NMNAT1: variants seen among roughly 807,000 people sequenced by gnomAD.
The protein encoded by NMNAT1 is nicotinamide/nicotinic acid mononucleotide adenylyltransferase 1.
In NMNAT1, 11 loss-of-function variants were observed where a neutral mutation model predicts 16.7. That is an observed-to-expected ratio of 0.66 (90% confidence interval 0.41 to 1.09). The LOEUF is 1.09. Among genes scored for constraint, NMNAT1 ranks in the 50% least tolerant of loss-of-function variants. NMNAT1 has a pLI of 0.00. For synonymous variants in NMNAT1, 110 were observed against 119.8 expected, an observed-to-expected ratio of 0.92 and a Z score of 0.53; for missense variants, 280 against 332.3, an observed-to-expected ratio of 0.84 and a Z score of 1.22.
At chr1:9,947,663 T>C (rs1373787284) in intron 1 of NMNAT1, 1 of 152,258 alleles carries the variant, frequency 6.6e-6, no homozygotes, top group Non-Finnish European at 1.5e-5. Context: ...CCAAAAACTT[T>C]TGGAGTCATG....
intron 1 of NMNAT1, among the ~76,000 whole-genome samples, chr1:9,968,770 CAAAAAAA>C (rs35088826): frequency 3.8e-5 from 3 of 79,194 alleles, no homozygotes; most frequent in African/African-American, 1.6e-4. Context: ...GACTCTGTCT[CAAAAAAA>C]AAAAAAAAAA....
In NMNAT1 at chr1:9,971,604, G is replaced by A. The variant is rs143077879; in HGVS notation, c.-56-414G>A. On this transcript the variant is annotated intron_variant, in intron 1 of 4. Transcript: ENST00000377205. ...TGGGATTACATGTGTGAGCCACCAC[G>A]CCCAGCCAAAGCCAAATACTTTTAA... Among the ~76,000 whole-genome samples the A allele has an allele frequency of 1.5e-4, 23 of 152,048 alleles. 1 individual carries two copies. Among genetic ancestry groups the A allele is most frequent in the African/African-American group, 3.1e-4 (13 of 41,530 alleles).
intron 1 of NMNAT1, among the ~76,000 whole-genome samples, chr1:9,970,235 C>G (rs1397283320): frequency 6.6e-6 from 1 of 151,936 alleles, no homozygotes; most frequent in African/African-American, 2.4e-5. Flanking sequence ...ATTATAAGCA[C>G]ATAATGTAGA....
downstream of NMNAT1, among the ~76,000 whole-genome samples, chr1:9,989,769 C>G (rs557097615): frequency 1.3e-5 from 2 of 152,164 alleles, no homozygotes; most frequent in Non-Finnish European, 2.9e-5. Context: ...ACCACAAGTG[C>G]GGGTACAAAA....
Position 9,983,841 on chromosome 1 carries a change from G to A in NMNAT1, c.*1140G>A, listed in dbSNP as rs1209935449. 6.6e-6 allele frequency: 1 copy of A among 152,062 alleles called. No individual in the cohort carries two copies. Among genetic ancestry groups the A allele is most frequent in the Non-Finnish European group, 1.5e-5 (1 of 68,024 alleles). The allele number at this position is 152,062 out of a possible 1,614,324, so 9.4% of individuals were successfully genotyped here. ...GATGAAGCTATCAGAACTGAATTTGGACTTCCTCTGGGAAACTACACCTAG... is the reference window on the plus strand; with the variant it reads ...GATGAAGCTATCAGAACTGAATTTGAACTTCCTCTGGGAAACTACACCTAG... On this transcript the variant is annotated 3_prime_UTR_variant, in exon 5 of 5. Coordinates refer to ENST00000377205, the MANE Select transcript of NMNAT1 (RefSeq NM_022787.4).
intron 1 of NMNAT1, among the ~76,000 whole-genome samples, chr1:9,970,379 C>CTA (rs143544195): frequency 0.021 from 3,247 of 151,992 alleles, 106 homozygotes; most frequent in African/African-American, 0.074. Context: ...TGTTCTAGAT[C>CTA]TATATATATG....
chr1:9,959,831 C>T (rs1444940652), intron 1 of NMNAT1, among the ~76,000 whole-genome samples: 1 of 151,860 alleles, frequency 6.6e-6, no homozygotes, highest in Non-Finnish European at 1.5e-5. Context: ...TCAAATATAC[C>T]CTCCAAAGAC....
chr1:9,984,951 A>C lies in NMNAT1; in HGVS notation c.*2250A>C, dbSNP rs1642025307. The C allele has an allele frequency of 6.6e-6, 1 of 152,130 alleles. No homozygotes were observed. The highest frequency in any genetic ancestry group is 2.4e-5 in the African/African-American group (1 of 41,430). The allele number at this position is 152,130 out of a possible 1,614,324, so 9.4% of individuals were successfully genotyped here. On this transcript the variant is annotated 3_prime_UTR_variant, in exon 5 of 5. Coordinates refer to ENST00000377205, the MANE Select transcript of NMNAT1 (RefSeq NM_022787.4). ...CATGAGGATCTAACAACAGAGTAGA[A>C]GGAAGGATGCCCTAGGTCAGCATGC... is the stretch of plus-strand genomic sequence containing the variant.
chr1:9,996,470 T>G, the NMNAT1 span, among the ~76,000 whole-genome samples: 2 of 152,158 alleles, frequency 1.3e-5, no homozygotes, highest in African/African-American at 4.8e-5. Context: ...CTCCTTTGCT[T>G]TTCTCTGCTC....
intron 1 of NMNAT1, among the ~76,000 whole-genome samples, chr1:9,967,989 C>A (rs1210371255): frequency 6.6e-6 from 1 of 150,388 alleles, no homozygotes; most frequent in Non-Finnish European, 1.5e-5. Flanking sequence ...AATCAAAAAA[C>A]AAAAGACAAT....
chr1:9,987,238 G>A (rs1011939320), downstream of NMNAT1, among the ~76,000 whole-genome samples: 2 of 150,144 alleles, frequency 1.3e-5, no homozygotes, highest in Non-Finnish European at 3.0e-5. Context: ...AGTCCAGTGC[G>A]GTGGCTCACA....
At chr1:9,949,410 C>CTT (rs35755485) in intron 1 of NMNAT1, among the ~76,000 whole-genome samples, 2,427 of 118,068 alleles carry the variant, frequency 0.021, 176 homozygotes, top group African/African-American at 0.056. Context: ...TCTTCCACTG[C>CTT]TTTTTTTTTT....
intron 1 of NMNAT1, among the ~76,000 whole-genome samples, chr1:9,954,433 A>G (rs1348000569): frequency 6.7e-6 from 1 of 149,340 alleles, no homozygotes; most frequent in Admixed American, 6.7e-5. Flanking sequence ...CTGGTCTTGA[A>G]CTCCTGACTT....
At chr1:9,981,405 G>A in intron 4 of NMNAT1, 1 of 428,266 alleles carries the variant, frequency 2.3e-6, no homozygotes. Flanking sequence ...TGTCTAATTT[G>A]TTTGTATTTT....
At chr1:9,988,373 T>A (rs983847246), downstream of NMNAT1, among the ~76,000 whole-genome samples, 1 of 152,072 alleles carries the variant, frequency 6.6e-6, no homozygotes, top group Non-Finnish European at 1.5e-5. Context: ...TGCTCTCAAA[T>A]GGATAAATAA....
chr1:9,959,804 T>C (rs1322293131), intron 1 of NMNAT1, among the ~76,000 whole-genome samples: 4 of 152,226 alleles, frequency 2.6e-5, no homozygotes, highest in Admixed American at 1.3e-4. Flanking sequence ...TGAATAACTT[T>C]AGGGGATTCA....
intron 1 of NMNAT1, among the ~76,000 whole-genome samples, chr1:9,966,862 T>G (rs1237848240): frequency 6.6e-6 from 1 of 152,102 alleles, no homozygotes; most frequent in Non-Finnish European, 1.5e-5. Context: ...ACCTCAGACT[T>G]TCAACAGCAA....
intron 1 of NMNAT1, among the ~76,000 whole-genome samples, chr1:9,959,261 A>G (rs1301613970): frequency 6.6e-6 from 1 of 150,966 alleles, no homozygotes; most frequent in Non-Finnish European, 1.5e-5. Context: ...AATCCCAGCT[A>G]CTCAGGAGGC....
intron 1 of NMNAT1, among the ~76,000 whole-genome samples, chr1:9,962,902 C>T (rs1004732941): frequency 3.3e-5 from 5 of 152,014 alleles, no homozygotes; most frequent in African/African-American, 1.2e-4. Context: ...AGGATGGTCT[C>T]GATCTCCTGA....
Sources: gnomAD v4.1 joint callset for allele counts (sites outside exome capture counted in the v4.1 genomes callset) on GRCh38, gnomAD v4.1.1 for gene constraint, MANE v1.5 for transcripts, NCBI Gene and HGNC (gene_info 2026-07-23, HGNC 2026-07-21) for gene names.